Variants in ENTREP2 observed in about 807,000 individuals in gnomAD.
The protein encoded by ENTREP2 is protein ENTREP2.
the ENTREP2 span, among the ~76,000 whole-genome samples, chr15:29,444,869 C>T: frequency 3.9e-5 from 6 of 152,280 alleles, no homozygotes; most frequent in Non-Finnish European, 7.4e-5. Flanking sequence ...CACTGGCAGG[C>T]GGTCCACGGC....
At chr15:29,511,015 G>A in the ENTREP2 span, among the ~76,000 whole-genome samples, 2 of 152,030 alleles carry the variant, frequency 1.3e-5, no homozygotes, top group Non-Finnish European at 2.9e-5. Flanking sequence ...ACAGGGAGGG[G>A]AATATCACAC....
the ENTREP2 span, among the ~76,000 whole-genome samples, chr15:29,589,139 A>T: frequency 6.6e-6 from 1 of 152,196 alleles, no homozygotes; most frequent in South Asian, 2.1e-4. Flanking sequence ...GAGGATTGTC[A>T]TTGGGGCCAG....
the ENTREP2 span, among the ~76,000 whole-genome samples, chr15:29,551,871 A>G: frequency 6.6e-6 from 1 of 152,190 alleles, no homozygotes; most frequent in Admixed American, 6.6e-5. Context: ...ATCTTAAAGA[A>G]TAACAGAAGG....
At chr15:29,300,253 T>A in the ENTREP2 span, among the ~76,000 whole-genome samples, 1 of 143,322 alleles carries the variant, frequency 7.0e-6, no homozygotes, top group South Asian at 2.3e-4. Context: ...GATGGATGGA[T>A]GGATGGACGG....
chr15:29,227,737 T>C, the ENTREP2 span, among the ~76,000 whole-genome samples: 1 of 152,094 alleles, frequency 6.6e-6, no homozygotes, highest in African/African-American at 2.4e-5. Context: ...GGAGACTGTT[T>C]TAAACTGGTA....
the ENTREP2 span, among the ~76,000 whole-genome samples, chr15:29,421,740 T>C: frequency 3.3e-5 from 5 of 152,328 alleles, no homozygotes; most frequent in Non-Finnish European, 5.9e-5. Context: ...TCTTTTAATA[T>C]AAAGAGAGCT....
the ENTREP2 span, among the ~76,000 whole-genome samples, chr15:29,490,417 T>C: frequency 7.0e-4 from 107 of 152,242 alleles, no homozygotes; most frequent in African/African-American, 2.4e-3. Flanking sequence ...AGTTTGCGGC[T>C]GCTGGCTCCG....
chr15:29,490,010 T>C, the ENTREP2 span, among the ~76,000 whole-genome samples: 7 of 152,228 alleles, frequency 4.6e-5, no homozygotes, highest in African/African-American at 1.4e-4. Context: ...AATAATTCTA[T>C]TGGGTTCAAA....
the ENTREP2 span, among the ~76,000 whole-genome samples, chr15:29,634,991 C>A: frequency 6.6e-6 from 1 of 152,138 alleles, no homozygotes; most frequent in Non-Finnish European, 1.5e-5. Flanking sequence ...ACTACAGGCG[C>A]CTGCCACCAC....
chr15:29,426,402 T>C, the ENTREP2 span, among the ~76,000 whole-genome samples: 1 of 152,238 alleles, frequency 6.6e-6, no homozygotes, highest in Non-Finnish European at 1.5e-5. Flanking sequence ...TTAACGCTTA[T>C]CTTTGATTTT....
the ENTREP2 span, among the ~76,000 whole-genome samples, chr15:29,361,033 C>T: frequency 2.0e-5 from 3 of 152,166 alleles, no homozygotes; most frequent in Admixed American, 2.0e-4. Context: ...ACTCCTGGAC[C>T]CCTGCACCTG....
At chr15:29,537,915 C>A in the ENTREP2 span, among the ~76,000 whole-genome samples, 1 of 152,110 alleles carries the variant, frequency 6.6e-6, no homozygotes, top group Non-Finnish European at 1.5e-5. Context: ...ACTTGCTCTG[C>A]CCTTCTCCAC....
the ENTREP2 span, among the ~76,000 whole-genome samples, chr15:29,221,749 T>C: frequency 6.6e-6 from 1 of 152,142 alleles, no homozygotes; most frequent in East Asian, 1.9e-4. Context: ...AGCTCCACTT[T>C]GCTGACAGAA....
the ENTREP2 span, among the ~76,000 whole-genome samples, chr15:29,590,253 G>C: frequency 6.6e-6 from 1 of 152,080 alleles, no homozygotes; most frequent in Non-Finnish European, 1.5e-5. Context: ...CCACCTTAGG[G>C]TCAGGAAGTA....
At chr15:29,332,886 G>A in the ENTREP2 span, among the ~76,000 whole-genome samples, 7 of 151,566 alleles carry the variant, frequency 4.6e-5, no homozygotes, top group East Asian at 1.9e-4. Context: ...TTGAACCCAC[G>A]GGGCGGAGGT....
At chr15:29,383,865 G>A in the ENTREP2 span, among the ~76,000 whole-genome samples, 1 of 152,130 alleles carries the variant, frequency 6.6e-6, no homozygotes, top group African/African-American at 2.4e-5. Context: ...TTTCTGCAAC[G>A]CTCACAAGTC....
the ENTREP2 span, chr15:29,118,178 A>G: frequency 1.3e-5 from 2 of 152,654 alleles, no homozygotes; most frequent in Non-Finnish European, 2.9e-5. Flanking sequence ...TGAAGAATAC[A>G]CTGTGACTTA....
At chr15:29,358,281 C>A in the ENTREP2 span, among the ~76,000 whole-genome samples, 1 of 152,074 alleles carries the variant, frequency 6.6e-6, no homozygotes, top group Admixed American at 6.5e-5. Context: ...TACACATGAA[C>A]ACGTATGAAT....
At chr15:29,523,607 T>G in the ENTREP2 span, among the ~76,000 whole-genome samples, 8 of 147,150 alleles carry the variant, frequency 5.4e-5, no homozygotes, top group African/African-American at 2.0e-4. Context: ...ATGGACAAGT[T>G]GATCCTGTAA....
Sources: allele counts gnomAD v4.1 joint callset (sites outside exome capture counted in the v4.1 genomes callset), GRCh38; gene constraint gnomAD v4.1.1; transcripts MANE v1.5; gene names NCBI Gene and HGNC (gene_info 2026-07-23, HGNC 2026-07-21).